LRFN5: variants seen among roughly 807,000 people sequenced by gnomAD.
The protein encoded by LRFN5 is leucine-rich repeat and fibronectin type-III domain-containing protein 5.
LRFN5 carries 24 observed loss-of-function variants against 45.6 expected under a neutral mutation model. That is an observed-to-expected ratio of 0.53 (90% CI 0.38 to 0.74). LRFN5 has a LOEUF of 0.74. Ranked by LOEUF, LRFN5 falls within the 30% of genes least tolerant of loss-of-function variation. The pLI is 0.00. For synonymous variants in LRFN5, 340 were observed against 313.8 expected (o/e 1.08, Z -0.88); for missense variants, 776 against 861.5 (o/e 0.90, Z 1.24).
At chr14:41,844,364 G>A (rs1354555916) in intron 2 of LRFN5, among the ~76,000 whole-genome samples, 1 of 151,366 alleles carries the variant, frequency 6.6e-6, no homozygotes, top group African/African-American at 2.4e-5. Context: ...GTGAACCCAG[G>A]AGGCAGAGCT....
intron 1 of LRFN5, among the ~76,000 whole-genome samples, chr14:41,686,671 G>A (rs980563504): frequency 6.6e-6 from 1 of 151,934 alleles, no homozygotes; most frequent in Non-Finnish European, 1.5e-5. Flanking sequence ...TAACATGAAC[G>A]GATGTTGAAT....
chr14:41,640,936 C>T (rs1378647915), intron 1 of LRFN5, among the ~76,000 whole-genome samples: 1 of 152,044 alleles, frequency 6.6e-6, no homozygotes, highest in Admixed American at 6.6e-5. Context: ...ATAGAACACA[C>T]AGGACATTAC....
chr14:41,861,131 A>G (rs1889645766), intron 2 of LRFN5, among the ~76,000 whole-genome samples: 1 of 152,186 alleles, frequency 6.6e-6, no homozygotes, highest in Non-Finnish European at 1.5e-5. Context: ...CTATAAAGAA[A>G]GCACATTTCT....
intron 1 of LRFN5, among the ~76,000 whole-genome samples, chr14:41,732,106 A>C (rs1884204466): frequency 6.6e-6 from 1 of 152,146 alleles, no homozygotes; most frequent in Admixed American, 6.6e-5. Flanking sequence ...AATTGTAGTT[A>C]ATTTTGATCT....
chr14:41,839,737 C>T (rs12433420), intron 2 of LRFN5, among the ~76,000 whole-genome samples: 75,910 of 151,934 alleles, frequency 0.5, 19,932 homozygotes, highest in African/African-American at 0.62. Flanking sequence ...GATCAGCTTT[C>T]TCTTCCTGAT....
At chr14:41,785,960 G>A (rs1223553734) in intron 2 of LRFN5, among the ~76,000 whole-genome samples, 1 of 152,148 alleles carries the variant, frequency 6.6e-6, no homozygotes, top group Admixed American at 6.5e-5. Flanking sequence ...CTTGCCCACT[G>A]CTCGCCTCCT....
chr14:41,780,152 T>G (rs1886431554), intron 2 of LRFN5, among the ~76,000 whole-genome samples: 1 of 151,976 alleles, frequency 6.6e-6, no homozygotes, highest in African/African-American at 2.4e-5. Flanking sequence ...GTTAAAATTT[T>G]TTTTAAGTTT....
intron 1 of LRFN5, among the ~76,000 whole-genome samples, chr14:41,681,783 T>TTATTA (rs1193484417): frequency 6.8e-6 from 1 of 147,502 alleles, no homozygotes; most frequent in East Asian, 2.0e-4. Flanking sequence ...AACTACTCTT[T>TTATTA]TATTTTATTT....
At chr14:41,886,489 C>A (rs1890576391) in intron 2 of LRFN5, 117 bp from the exon 3 acceptor site, 1 of 704,688 alleles carries the variant, frequency 1.4e-6, no homozygotes, top group Non-Finnish European at 2.2e-6. Flanking sequence ...ACTTGTTAAG[C>A]AAACAAGTGA....
intron 1 of LRFN5, among the ~76,000 whole-genome samples, chr14:41,698,004 C>T (rs1397081158): frequency 6.6e-6 from 1 of 151,778 alleles, no homozygotes; most frequent in African/African-American, 2.4e-5. Context: ...ATGTTGCTAT[C>T]CTAGGAATTA....
At chr14:41,692,495 A>T (rs1448136870) in intron 1 of LRFN5, among the ~76,000 whole-genome samples, 3 of 152,046 alleles carry the variant, frequency 2.0e-5, no homozygotes, top group Non-Finnish European at 4.4e-5. Context: ...TACATGTGCC[A>T]TGTTGGTGTA....
intron 2 of LRFN5, among the ~76,000 whole-genome samples, chr14:41,872,184 C>T (rs543217782): frequency 6.6e-6 from 1 of 152,166 alleles, no homozygotes; most frequent in Admixed American, 6.5e-5. Context: ...CAGCTTACAG[C>T]TATACCTGTC....
At chr14:41,831,062 T>C (rs546156483) in intron 2 of LRFN5, among the ~76,000 whole-genome samples, 159 of 152,320 alleles carry the variant, frequency 1.0e-3, no homozygotes, top group African/African-American at 3.7e-3. Context: ...TCTTAAAAAC[T>C]CAGTATTTAT....
intron 2 of LRFN5, among the ~76,000 whole-genome samples, chr14:41,856,750 C>T (rs1006934964): frequency 1.6e-5 from 2 of 128,242 alleles, no homozygotes; most frequent in Non-Finnish European, 3.2e-5. Context: ...GATCTCCGCT[C>T]ACTGCAAGCT....
At chr14:41,738,243 A>G (rs574867868) in intron 1 of LRFN5, among the ~76,000 whole-genome samples, 18 of 152,178 alleles carry the variant, frequency 1.2e-4, no homozygotes, top group African/African-American at 4.3e-4. Context: ...TGAGCAATGG[A>G]GAAATGATTC....
intron 2 of LRFN5, among the ~76,000 whole-genome samples, chr14:41,798,012 C>G (rs562458206): frequency 9.0e-4 from 136 of 151,770 alleles, no homozygotes; most frequent in African/African-American, 3.1e-3. Flanking sequence ...TACAAGTGCC[C>G]CATTATTTGC....
At chr14:41,640,037 C>T (rs1879502146) in intron 1 of LRFN5, among the ~76,000 whole-genome samples, 1 of 140,194 alleles carries the variant, frequency 7.1e-6, no homozygotes, top group African/African-American at 2.7e-5. Context: ...TGGGCATAAG[C>T]AATCCTCTTG....
rs34291427 is a variant in LRFN5 at position 41,876,277 on chromosome 14, C to CTTTTTT, written c.-20-10313_-20-10308dup. ...GGAATGCGTAATTGTCTTTTTCTTT[C>CTTTTTT]TTTTTTTTTTTTTTTTTTTTTGAGA... On this transcript the variant is annotated intron_variant, in intron 2 of 5. Transcript: ENST00000298119. Among the ~76,000 whole-genome samples, 561 of 100,584 alleles carry CTTTTTT rather than the reference C, an allele frequency of 5.6e-3. 7 individuals are homozygous for CTTTTTT. Among genetic ancestry groups the CTTTTTT allele is most frequent in the Non-Finnish European group, 6.6e-3 (344 of 52,148 alleles). 66.0% of individuals were successfully genotyped at this position (100,584 alleles called of 152,430 possible). A position where few individuals can be genotyped will look rare whatever the true frequency, so the allele number is the denominator to read the frequency against.
chr14:41,674,339 CA>C (rs1265447459), intron 1 of LRFN5, among the ~76,000 whole-genome samples: 2 of 137,232 alleles, frequency 1.5e-5, no homozygotes, highest in Non-Finnish European at 3.2e-5. Flanking sequence ...CCGACCCCCC[CA>C]CCTCCCTCCC....
Sources: allele counts gnomAD v4.1 joint callset (sites outside exome capture counted in the v4.1 genomes callset), GRCh38; gene constraint gnomAD v4.1.1; transcripts MANE v1.5; gene names NCBI Gene and HGNC (gene_info 2026-07-23, HGNC 2026-07-21).